COLEC12: variants seen among roughly 807,000 people sequenced by gnomAD.
COLEC12 encodes the protein collectin-12.
COLEC12 carries 33 observed loss-of-function variants against 71.1 expected under a neutral mutation model. The observed-to-expected ratio is 0.46, with a 90% CI of 0.35 to 0.62. The LOEUF (loss-of-function observed/expected upper bound fraction) is 0.62. Ranked by LOEUF, COLEC12 falls within the 20% of genes least tolerant of loss-of-function variation. The probability of loss-of-function intolerance (pLI) is 0.00; values close to 1 mark genes in which losing one functional copy is unlikely to be tolerated. For synonymous variants in COLEC12, 350 were observed against 353.0 expected, an observed-to-expected ratio of 0.99 and a Z score of 0.10; for missense variants, 765 against 916.1, an observed-to-expected ratio of 0.84 and a Z score of 2.13.
intron 3 of COLEC12, among the ~76,000 whole-genome samples, chr18:356,630 T>C (rs1914633927): frequency 6.6e-6 from 1 of 152,210 alleles, no homozygotes; most frequent in Non-Finnish European, 1.5e-5. Context: ...TGAAACCAAA[T>C]GGCCGTGTTT....
At chr18:335,251 GTGTCAACA>G in intron 5 of COLEC12, 21 bp from the exon 6 acceptor site, 2 of 1,566,952 alleles carry the variant, frequency 1.3e-6, no homozygotes, top group Non-Finnish European at 1.7e-6. Flanking sequence ...AAAGAAAAAG[GTGTCAACA>G]TGAAATCCAC....
At chr18:498,086 T>G (rs902069596) in intron 1 of COLEC12, among the ~76,000 whole-genome samples, 15 of 152,346 alleles carry the variant, frequency 9.8e-5, no homozygotes, top group African/African-American at 3.6e-4. Flanking sequence ...GGCTTGTCTT[T>G]AGATGCCTAC....
chr18:444,205 C>T (rs1217524505), intron 2 of COLEC12, among the ~76,000 whole-genome samples: 1 of 152,154 alleles, frequency 6.6e-6, no homozygotes, highest in Non-Finnish European at 1.5e-5. Context: ...TCGGAATGCA[C>T]ATATTTATTT....
intron 2 of COLEC12, among the ~76,000 whole-genome samples, chr18:438,742 A>G (rs1241224938): frequency 6.6e-6 from 1 of 151,698 alleles, no homozygotes; most frequent in Non-Finnish European, 1.5e-5. Context: ...GGTCAAGGCT[A>G]CAGTGAGCAG....
intron 2 of COLEC12, among the ~76,000 whole-genome samples, chr18:442,631 C>T (rs1356982812): frequency 6.6e-6 from 1 of 152,242 alleles, no homozygotes; most frequent in African/African-American, 2.4e-5. Flanking sequence ...AACCTTTCTA[C>T]CAGCTCTTCT....
intron 2 of COLEC12, among the ~76,000 whole-genome samples, chr18:371,033 T>A (rs918280419): frequency 4.6e-5 from 7 of 152,228 alleles, no homozygotes; most frequent in Admixed American, 2.6e-4. Context: ...CTCACTACTA[T>A]GCAATGTTCC....
chr18:392,528 C>T (rs1915483986), intron 2 of COLEC12, among the ~76,000 whole-genome samples: 1 of 152,198 alleles, frequency 6.6e-6, no homozygotes, highest in African/African-American at 2.4e-5. Context: ...TTTGGCGAAA[C>T]TTACACTCTC....
chr18:354,848 C>T (rs765429892), intron 3 of COLEC12, among the ~76,000 whole-genome samples: 2 of 152,002 alleles, frequency 1.3e-5, no homozygotes, highest in Non-Finnish European at 2.9e-5. Context: ...GTACTTGCTC[C>T]CCATTATCTC....
rs138063633 is a variant in COLEC12 at position 406,240 on chromosome 18, T to C, written c.59-48718A>G. On this transcript the variant is annotated intron_variant, in intron 2 of 9. Transcript: ENST00000400256. ...AAATGGGCAACCAGGCCGGGCGCAG[T>C]GGCTCACGCCTGTAATCCCAGCACT... Among the ~76,000 whole-genome samples, 364 of 152,272 alleles carry C rather than the reference T, an allele frequency of 2.4e-3. 1 individual carries two copies. The highest frequency in any genetic ancestry group is 8.6e-3 in the African/African-American group (359 of 41,538).
At chr18:339,332 G>A (rs1438422346) in intron 5 of COLEC12, among the ~76,000 whole-genome samples, 3 of 152,120 alleles carry the variant, frequency 2.0e-5, no homozygotes, top group Non-Finnish European at 4.4e-5. Context: ...GACTGGAAGT[G>A]GCTATTGAAT....
At chr18:330,245 C>T (rs1913941238) in intron 8 of COLEC12, among the ~76,000 whole-genome samples, 1 of 152,194 alleles carries the variant, frequency 6.6e-6, no homozygotes, top group African/African-American at 2.4e-5. Flanking sequence ...CTGGCTTCTC[C>T]ATCACCTCTG....
In COLEC12 at chr18:346,518, C is replaced by T. The variant is rs1206084307; in HGVS notation, c.1104G>A (p.Arg368=). The part of the protein sequence containing the change: ...RTLTSNLNEV[R]TTCTDTLTKH... ...TGGTAAGGGTATCTGTGCAAGTGGT[C>T]CTGACTTCATTTAGATTGCTGGTCA... Residue 368 remains arginine, a synonymous_variant, in exon 5 of 10, where the codon AGG becomes AGA. Coordinates refer to ENST00000400256, the MANE Select transcript of COLEC12 (RefSeq NM_130386.3). The surrounding 1 kb of genome is among the most constrained non-coding windows in gnomAD (Gnocchi z 4.0). The T allele has an allele frequency of 1.5e-5, 25 of 1,614,032 alleles. No individual in the cohort carries two copies. Among genetic ancestry groups the T allele is most frequent in the Admixed American group, 1.5e-4 (9 of 59,996 alleles).
intron 2 of COLEC12, among the ~76,000 whole-genome samples, chr18:466,202 T>C (rs11659643): frequency 0.097 from 14,736 of 152,204 alleles, 1,002 homozygotes; most frequent in African/African-American, 0.19. Context: ...ATCGCACCAC[T>C]GCACTCCAGC....
intron 2 of COLEC12, among the ~76,000 whole-genome samples, chr18:390,975 AGCAGCTGTGG>A (rs1915451528): frequency 6.6e-6 from 1 of 152,236 alleles, no homozygotes; most frequent in African/African-American, 2.4e-5. Context: ...GTAACCAGGC[AGCAGCTGTGG>A]GCAGCTGTGT....
intron 1 of COLEC12, among the ~76,000 whole-genome samples, chr18:494,674 A>G (rs2143795605): frequency 6.6e-6 from 1 of 152,374 alleles, no homozygotes; most frequent in South Asian, 2.1e-4. Context: ...TTAAAGTAGG[A>G]CTGTTTTGCC....
Position 408,524 on chromosome 18 carries a change from A to G in COLEC12, c.59-51002T>C, listed in dbSNP as rs1450389012. 3.3e-5 allele frequency among the ~76,000 whole-genome samples: 5 copies of G among 152,188 alleles called. No individual in the cohort carries two copies. The highest frequency in any genetic ancestry group is 6.5e-5 in the Admixed American group (1 of 15,284). ...AGATTTTGAACTTGGAAAGGAATGA[A>G]GGCAAGATTAAGCTTGAATTATTCA... is the stretch of plus-strand genomic sequence containing the variant. On this transcript the variant is annotated intron_variant, in intron 2 of 9. Transcript: ENST00000400256. The surrounding 1 kb of genome is among the most constrained non-coding windows in gnomAD (Gnocchi z 4.3).
intron 5 of COLEC12, among the ~76,000 whole-genome samples, chr18:341,048 G>T (rs1914240818): frequency 1.3e-5 from 2 of 152,186 alleles, no homozygotes; most frequent in African/African-American, 4.8e-5. Flanking sequence ...AGGAACTGAG[G>T]CCCCTGCCTG....
chr18:439,049 A>C (rs72863589), intron 2 of COLEC12, among the ~76,000 whole-genome samples: 2,708 of 152,272 alleles, frequency 0.018, 46 homozygotes, highest in Non-Finnish European at 0.022. Flanking sequence ...ATCTCACTCA[A>C]ACTTCTCTCT....
At position 334,824 on chromosome 18, in the gene COLEC12, G is replaced by C. The variant is rs762468517; in HGVS notation, c.1734C>G (p.Gly578=). The change falls in exon 6 of 10, where the codon GGC becomes GGG. Residue 578 remains glycine (G), a synonymous_variant. Coordinates refer to ENST00000400256, the MANE Select transcript of COLEC12 (RefSeq NM_130386.3). ...CTGATGGGCCAGGAGGGCCGGGGGG[G>C]CCCTTGGGGCCTGGCATGCCTGGTA... ...PGVPGMPGPK[G]PPGPPGPSGA... The C allele has an allele frequency of 2.6e-6, 4 of 1,516,312 alleles. No homozygotes were observed. The highest frequency in any genetic ancestry group is 1.5e-5 in the African/African-American group (1 of 68,924). 93.9% of individuals were successfully genotyped at this position (1,516,312 alleles called of 1,614,324 possible).
Sources: allele counts gnomAD v4.1 joint callset (sites outside exome capture counted in the v4.1 genomes callset), GRCh38; gene constraint gnomAD v4.1.1; non-coding constraint Gnocchi (gnomAD v3.1); transcripts MANE v1.5; gene names NCBI Gene and HGNC (gene_info 2026-07-23, HGNC 2026-07-21).